Variants in APELA observed in about 807,000 individuals in gnomAD.
The protein encoded by APELA is protein Elabela.
At chr4:164,891,565 A>G (rs1407921008) in intron 2 of APELA, among the ~76,000 whole-genome samples, 2 of 152,060 alleles carry the variant, frequency 1.3e-5, no homozygotes, top group Non-Finnish European at 2.9e-5. Flanking sequence ...TGCAAACGGA[A>G]TTTTCTTAAT....
At chr4:164,894,697 A>G (rs1281136086) in intron 2 of APELA, among the ~76,000 whole-genome samples, 2 of 151,988 alleles carry the variant, frequency 1.3e-5, no homozygotes, top group African/African-American at 4.8e-5. Flanking sequence ...GAGCCACCAT[A>G]CCCAGCCACA....
intron 2 of APELA, among the ~76,000 whole-genome samples, chr4:164,880,771 T>C (rs1037175950): frequency 6.6e-6 from 1 of 152,226 alleles, no homozygotes; most frequent in African/African-American, 2.4e-5. Context: ...GTGTTACAAG[T>C]AAGCATGAAT....
chr4:164,882,258 C>T (rs1730666997), intron 2 of APELA, among the ~76,000 whole-genome samples: 1 of 151,964 alleles, frequency 6.6e-6, no homozygotes, highest in African/African-American at 2.4e-5. Flanking sequence ...CATGCACCAC[C>T]ATACTCGGCT....
At chr4:164,887,098 G>A (rs373467071) in intron 2 of APELA, among the ~76,000 whole-genome samples, 2 of 152,254 alleles carry the variant, frequency 1.3e-5, no homozygotes, top group East Asian at 3.9e-4. Context: ...AAAGTGCTGG[G>A]ATTACAGGCA....
intron 2 of APELA, among the ~76,000 whole-genome samples, chr4:164,887,401 ACC>A (rs1730795442): frequency 6.6e-6 from 1 of 151,940 alleles, no homozygotes; most frequent in Non-Finnish European, 1.5e-5. Flanking sequence ...TTATACCTTT[ACC>A]TCTCTGGATC....
At chr4:164,890,953 G>T (rs560840255) in intron 2 of APELA, among the ~76,000 whole-genome samples, 11 of 152,242 alleles carry the variant, frequency 7.2e-5, no homozygotes, top group African/African-American at 2.6e-4. Context: ...TTGTGGTTTT[G>T]ATTTGCATTT....
rs145217302 is a variant in APELA at position 164,893,524 on chromosome 4, C to G, written c.*2-1892C>G. ...ATATATATCTTCATAATTGTTCTAT[C>G]TTCCTCAGTTGACCCTTTTAGCATT... On this transcript the variant is annotated intron_variant, in intron 2 of 2. Transcript: ENST00000507152. Among the ~76,000 whole-genome samples, 33 of 152,138 alleles carry G rather than the reference C, an allele frequency of 2.2e-4. 1 individual carries two copies. Among genetic ancestry groups the G allele is most frequent in the Admixed American group, 2.2e-3 (33 of 15,258 alleles).
At chr4:164,881,508 C>T (rs7694917) in intron 2 of APELA, among the ~76,000 whole-genome samples, 96,336 of 151,666 alleles carry the variant, frequency 0.64, 30,971 homozygotes, top group African/African-American at 0.7. Flanking sequence ...CAGAAAATTA[C>T]ATGCTGTATG....
At chr4:164,888,385 C>T (rs1011922925) in intron 2 of APELA, among the ~76,000 whole-genome samples, 13 of 152,152 alleles carry the variant, frequency 8.5e-5, no homozygotes, top group African/African-American at 3.1e-4. Flanking sequence ...CATGGGAAAG[C>T]TGAAGGCAGG....
chr4:164,878,836 T>A, intron 1 of APELA, 84 bp from the exon 2 acceptor site: 1 of 398,188 alleles, frequency 2.5e-6, no homozygotes, highest in East Asian at 3.6e-5. Context: ...CTAGTTTGGC[T>A]CCAAAATATG....
At position 164,878,057 on chromosome 4, in the gene APELA, A is replaced by C. The variant is rs116082332; in HGVS notation, c.76+650A>C. Among the ~76,000 whole-genome samples, 661 of 152,130 alleles carry C rather than the reference A, an allele frequency of 4.3e-3. 5 individuals are homozygous for C. Among genetic ancestry groups the C allele is most frequent in the African/African-American group, 0.014 (600 of 41,512 alleles). ...AAGTATATTGTACTTAACCAACAGAAATTTAGTACACAAAAGTATTCTAAT... is the reference window on the plus strand; with the variant it reads ...AAGTATATTGTACTTAACCAACAGACATTTAGTACACAAAAGTATTCTAAT... On this transcript the variant is annotated intron_variant, in intron 1 of 2. Transcript: ENST00000507152.
At chr4:164,898,662 G>A (rs1731021705), downstream of APELA, 2 of 152,196 alleles carry the variant, frequency 1.3e-5, no homozygotes, top group African/African-American at 4.8e-5. Context: ...ACCAGATGGA[G>A]GGTGGTGGAC....
At chr4:164,886,653 A>G (rs1560859109) in intron 2 of APELA, among the ~76,000 whole-genome samples, 1 of 152,188 alleles carries the variant, frequency 6.6e-6, no homozygotes, top group Admixed American at 6.5e-5. Flanking sequence ...CTAAAAAAAA[A>G]GAAAAAGATT....
downstream of APELA, among the ~76,000 whole-genome samples, chr4:164,898,092 C>T (rs1045032599): frequency 2.0e-5 from 3 of 151,942 alleles, no homozygotes; most frequent in Non-Finnish European, 4.4e-5. Context: ...GGGTTCACCA[C>T]GTTGGCCAGG....
At chr4:164,884,722 T>G (rs1436264245) in intron 2 of APELA, among the ~76,000 whole-genome samples, 4 of 152,214 alleles carry the variant, frequency 2.6e-5, no homozygotes, top group Non-Finnish European at 5.9e-5. Context: ...GTTATGGCCC[T>G]TATCCTATCA....
chr4:164,884,280 C>T (rs1012304802), intron 2 of APELA, among the ~76,000 whole-genome samples: 4 of 152,094 alleles, frequency 2.6e-5, no homozygotes, highest in South Asian at 2.1e-4. Context: ...TGCTCTCTAG[C>T]GACCAGCCCA....
At chr4:164,891,099 A>C (rs1251089001) in intron 2 of APELA, among the ~76,000 whole-genome samples, 1 of 152,090 alleles carries the variant, frequency 6.6e-6, no homozygotes, top group Non-Finnish European at 1.5e-5. Context: ...GCTGTAAGAT[A>C]TATATATATG....
At chr4:164,877,905 G>A (rs1730584144) in intron 1 of APELA, among the ~76,000 whole-genome samples, 1 of 152,000 alleles carries the variant, frequency 6.6e-6, no homozygotes, top group Non-Finnish European at 1.5e-5. Flanking sequence ...TATGTAACTA[G>A]GCATGTCACT....
intron 2 of APELA, 99 bp from the exon 3 acceptor site, chr4:164,895,317 C>T (rs1415219014): frequency 6.6e-6 from 1 of 152,040 alleles, no homozygotes; most frequent in African/African-American, 2.4e-5. Flanking sequence ...GATAAACTTC[C>T]ATAACTCATT....
Sources: allele counts gnomAD v4.1 joint callset (sites outside exome capture counted in the v4.1 genomes callset), GRCh38; gene constraint gnomAD v4.1.1; transcripts MANE v1.5; gene names NCBI Gene and HGNC (gene_info 2026-07-23, HGNC 2026-07-21).